IGF2: variants seen among roughly 807,000 people sequenced by gnomAD.
The protein encoded by IGF2 is insulin-like growth factor 2.
Under a neutral mutation model 12.0 loss-of-function variants are expected in IGF2, and 2 were observed. The observed-to-expected ratio is 0.17, with a 90% CI of 0.07 to 0.52. The LOEUF (loss-of-function observed/expected upper bound fraction) is 0.52, where lower values mean the gene tolerates loss of function less well. Among genes scored for constraint, IGF2 ranks in the 20% least tolerant of loss-of-function variants. The probability of loss-of-function intolerance (pLI) is 0.95; values close to 1 mark genes in which losing one functional copy is unlikely to be tolerated. For synonymous variants in IGF2, 105 were observed against 110.1 expected (o/e 0.95, Z 0.29); for missense variants, 211 against 268.0 (o/e 0.79, Z 1.48).
upstream of IGF2, among the ~76,000 whole-genome samples, chr11:2,142,641 T>C (rs1859672393): frequency 6.6e-6 from 1 of 152,082 alleles, no homozygotes; most frequent in East Asian, 1.9e-4. The surrounding 1 kb of genome is among the most constrained non-coding windows in gnomAD (Gnocchi z 5.7). Context: ...GCCGTTGGGG[T>C]TTCAGACCAA....
chr11:2,132,841 A>C lies in IGF2; in HGVS notation c.*146T>G. ...CCGAGGAGAGTAGCCTGTTTCGGGG[A>C]GGCGGGGCACGGGGACTGGGTCAGG... On this transcript the variant is annotated 3_prime_UTR_variant, in exon 4 of 4. Coordinates refer to ENST00000416167, the MANE Select transcript of IGF2 (RefSeq NM_000612.6). 1 of 605,506 alleles carries C rather than the reference A, an allele frequency of 1.7e-6. No homozygotes were observed. The highest frequency in any genetic ancestry group is 2.3e-5 in the South Asian group (1 of 43,666). 37.5% of individuals were successfully genotyped at this position (605,506 alleles called of 1,614,324 possible).
chr11:2,143,147 A>G (rs574621968), upstream of IGF2, among the ~76,000 whole-genome samples: 92 of 152,260 alleles, frequency 6.0e-4, no homozygotes, highest in South Asian at 7.1e-3. Context: ...AGGATTCAAC[A>G]TGCTCTGGGT....
chr11:2,133,298 C>T lies in IGF2; in HGVS notation c.307-75G>A. The T allele has an allele frequency of 8.8e-7, 1 of 1,135,796 alleles. No individual in the cohort carries two copies. Among genetic ancestry groups the T allele is most frequent in the Non-Finnish European group, 1.2e-6 (1 of 804,064 alleles). 70.4% of individuals were successfully genotyped at this position (1,135,796 alleles called of 1,614,324 possible). On this transcript the variant is annotated intron_variant, in intron 3 of 3. Coordinates refer to ENST00000416167, the MANE Select transcript of IGF2 (RefSeq NM_000612.6). The surrounding 1 kb of genome is among the most constrained non-coding windows in gnomAD (Gnocchi z 8.9). ...CGCCTGAGCCGCCCGCCTGACCTGA[C>T]AGGCCACCCCTGTGACTGATCAGTG...
chr11:2,134,936 TTATTGA>T (rs1858891938), intron 2 of IGF2, among the ~76,000 whole-genome samples: 1 of 152,202 alleles, frequency 6.6e-6, no homozygotes, highest in South Asian at 2.1e-4. Context: ...ATAAATCACT[TTATTGA>T]TTTTAATTCT....
chr11:2,142,250 C>T (rs1859646566), upstream of IGF2, among the ~76,000 whole-genome samples: 1 of 151,440 alleles, frequency 6.6e-6, no homozygotes, highest in African/African-American at 2.4e-5. The surrounding 1 kb of genome is among the most constrained non-coding windows in gnomAD (Gnocchi z 5.7). Context: ...GGAAAAAAAT[C>T]TCAATTTGCT....
chr11:2,131,914 CTGTGTGTGCA>C lies in IGF2; in HGVS notation c.*1063_*1072del, dbSNP rs1307408020. 106 of 132,402 alleles carry C rather than the reference CTGTGTGTGCA, an allele frequency of 8.0e-4. No homozygotes were observed. The highest frequency in any genetic ancestry group is 3.5e-3 in the African/African-American group (96 of 27,366). The allele number at this position is 132,402 out of a possible 1,614,324, so 8.2% of individuals were successfully genotyped here. A position where few individuals can be genotyped will look rare whatever the true frequency, so the allele number is the denominator to read the frequency against. On this transcript the variant is annotated 3_prime_UTR_variant, in exon 4 of 4. Transcript: ENST00000416167. ...TGTGTGCTGTGCGTTTGTGTGTGTG[CTGTGTGTGCA>C]TGTGTGTGCGTGTGTGTGCCGTGCG... is the stretch of plus-strand genomic sequence containing the variant.
At chr11:2,139,586 G>GC (rs1435988530), upstream of IGF2, among the ~76,000 whole-genome samples, 6 of 143,808 alleles carry the variant, frequency 4.2e-5, no homozygotes, top group South Asian at 8.8e-4. Flanking sequence ...CGGGGGGGGG[G>GC]CGGCGGTCGC....
chr11:2,138,639 GGA>G lies in IGF2; in HGVS notation c.-419_-418del, dbSNP rs1227743100. On this transcript the variant is annotated 5_prime_UTR_variant, in exon 1 of 4. Transcript: ENST00000416167. ...GGCGCACAGCGGGAGAGAACAGCAC[GGA>G]GAGAAACAGAAAGCGTGTAATTAAT... 2 of 981,222 alleles carry G rather than the reference GGA, an allele frequency of 2.0e-6. No individual in the cohort carries two copies. Among genetic ancestry groups the G allele is most frequent in the Non-Finnish European group, 2.4e-6 (2 of 828,766 alleles). The allele number at this position is 981,222 out of a possible 1,614,324, so 60.8% of individuals were successfully genotyped here.
At chr11:2,142,728 T>G (rs1035584824), upstream of IGF2, among the ~76,000 whole-genome samples, 10 of 152,194 alleles carry the variant, frequency 6.6e-5, no homozygotes, top group African/African-American at 2.4e-4. The surrounding 1 kb of genome is among the most constrained non-coding windows in gnomAD (Gnocchi z 5.7). Flanking sequence ...GTCAATATGT[T>G]GTGATGCAGA....
chr11:2,143,519 G>C (rs564189602), upstream of IGF2, among the ~76,000 whole-genome samples: 110 of 152,204 alleles, frequency 7.2e-4, no homozygotes, highest in African/African-American at 2.6e-3. Flanking sequence ...CAGGCAAATT[G>C]GTCAGCGCGA....
At chr11:2,135,654 ATAAACATT>A in intron 1 of IGF2, 125 bp from the exon 2 acceptor site, 1 of 774,892 alleles carries the variant, frequency 1.3e-6, no homozygotes, top group Non-Finnish European at 2.1e-6. Flanking sequence ...CGGCTTTCCT[ATAAACATT>A]ATTTTTATTA....
At chr11:2,140,909 G>C (rs1174594241), upstream of IGF2, 1 of 380,960 alleles carries the variant, frequency 2.6e-6, no homozygotes, top group East Asian at 1.2e-4. Context: ...GGCAGCGAGC[G>C]ATCGAACGCT....
At position 2,133,203 on chromosome 11, in the gene IGF2, G is replaced by C; in HGVS notation, c.327C>G (p.Pro109=). ...TGTCATATTGGAAGAACTTGCCCAC[G>C]GGGTATCTGGGGAAGTTGTCCTGGG... ...TVLPDNFPRY[P]VGKFFQYDTW... is the part of the protein sequence containing the mutation. Residue 109 remains proline, a synonymous_variant, in exon 4 of 4, where the codon CCC becomes CCG. Coordinates refer to ENST00000416167, the MANE Select transcript of IGF2 (RefSeq NM_000612.6). This position sits in a 1 kb window ranked among gnomAD's most constrained non-coding sequence, Gnocchi z 8.9. 1 of 1,556,682 alleles carries C rather than the reference G, an allele frequency of 6.4e-7. No individual in the cohort carries two copies. Among genetic ancestry groups the C allele is most frequent in the Non-Finnish European group, 8.7e-7 (1 of 1,149,214 alleles).
At chr11:2,135,288 C>A in intron 2 of IGF2, 79 bp downstream of exon 2, 1 of 1,327,050 alleles carries the variant, frequency 7.5e-7, no homozygotes, top group Non-Finnish European at 1.0e-6. Context: ...AGTGTGCTCC[C>A]CTGGCTTGAG....
chr11:2,135,235 A>T, intron 2 of IGF2, 132 bp downstream of exon 2: 1 of 782,372 alleles, frequency 1.3e-6, no homozygotes, highest in Non-Finnish European at 2.0e-6. Flanking sequence ...ACGCGGCGGG[A>T]AGGTCAAAGT....
the IGF2 span, chr11:2,147,712 T>TGGGCA: frequency 5.6e-6 from 7 of 1,249,590 alleles, no homozygotes; most frequent in Non-Finnish European, 7.1e-6. The surrounding 1 kb of genome is among the most constrained non-coding windows in gnomAD (Gnocchi z 7.2). Flanking sequence ...TGGGGCAGGC[T>TGGGCA]GGGCAGGGGG....
At chr11:2,145,023 T>C (rs1341413288), upstream of IGF2, among the ~76,000 whole-genome samples, 4 of 150,390 alleles carry the variant, frequency 2.7e-5, no homozygotes, top group African/African-American at 4.9e-5. Flanking sequence ...GCCCCCACCA[T>C]GAAAAACAGC....
At chr11:2,143,017 C>T (rs561952800), upstream of IGF2, among the ~76,000 whole-genome samples, 1 of 152,196 alleles carries the variant, frequency 6.6e-6, no homozygotes, top group Middle Eastern at 3.4e-3. Flanking sequence ...CGTTAATGCC[C>T]CAAAGCTTTG....
At chr11:2,149,396 C>T in the IGF2 span, 1 of 1,491,482 alleles carries the variant, frequency 6.7e-7, no homozygotes, top group Non-Finnish European at 9.2e-7. Flanking sequence ...ACGGCCCCTA[C>T]AGATGGGAGA....
Sources: gnomAD v4.1 joint callset for allele counts (sites outside exome capture counted in the v4.1 genomes callset) on GRCh38, gnomAD v4.1.1 for gene constraint, Gnocchi (gnomAD v3.1) non-coding constraint, MANE v1.5 for transcripts, NCBI Gene and HGNC (gene_info 2026-07-23, HGNC 2026-07-21) for gene names.